PPP4R3B: variants seen among roughly 807,000 people sequenced by gnomAD.
PPP4R3B encodes the protein protein phosphatase 4 regulatory subunit 3B, also known as serine/threonine-protein phosphatase 4 regulatory subunit 3B.
In PPP4R3B, 52 loss-of-function variants were observed where a neutral mutation model predicts 95.4. The ratio of observed to expected loss-of-function variants is 0.54; its 90% confidence interval spans 0.44 to 0.69. The LOEUF is 0.69. Among genes scored for constraint, PPP4R3B ranks in the 30% least tolerant of loss-of-function variants. The pLI is 0.00. For synonymous variants in PPP4R3B, 407 were observed against 343.9 expected, an observed-to-expected ratio of 1.18 and a Z score of -2.03; for missense variants, 1,003 against 1,005.9, an observed-to-expected ratio of 1.00 and a Z score of 0.04.
intron 12 of PPP4R3B, among the ~76,000 whole-genome samples, chr2:55,571,398 A>C (rs1312459710): frequency 6.6e-6 from 1 of 152,218 alleles, no homozygotes; most frequent in Non-Finnish European, 1.5e-5. Context: ...TAATGAGCCA[A>C]ATAGGAAAAT....
chr2:55,575,872 T>C (rs1039733136), intron 11 of PPP4R3B, among the ~76,000 whole-genome samples: 12 of 152,228 alleles, frequency 7.9e-5, no homozygotes, highest in African/African-American at 1.2e-4. Flanking sequence ...TACAATGCTA[T>C]TGGAAATAAA....
Position 55,597,718 on chromosome 2 carries a change from T to C in PPP4R3B, c.921+698A>G, listed in dbSNP as rs554390747. Among the ~76,000 whole-genome samples the C allele has an allele frequency of 5.9e-5, 9 of 152,200 alleles. 1 individual carries two copies. Among genetic ancestry groups the C allele is most frequent in the African/African-American group, 2.2e-4 (9 of 41,516 alleles). The stretch of plus-strand genomic sequence containing the variant: ...CAGGAGGCTGAGACAGGAGAATCAC[T>C]TGAACCCAGGAGGCAGAGGTTGCGG... On this transcript the variant is annotated intron_variant, in intron 4 of 16. Coordinates refer to ENST00000616407, the MANE Select transcript of PPP4R3B (RefSeq NM_001122964.3).
intron 7 of PPP4R3B, 109 bp from the exon 8 acceptor site, chr2:55,581,807 C>T (rs776477629): frequency 6.7e-5 from 78 of 1,158,404 alleles, no homozygotes; most frequent in Non-Finnish European, 8.9e-5. Flanking sequence ...AGAGAAAAAA[C>T]GAAGAATGGA....
chr2:55,584,833 A>T (rs1265436181), intron 7 of PPP4R3B, among the ~76,000 whole-genome samples: 1 of 152,156 alleles, frequency 6.6e-6, no homozygotes, highest in African/African-American at 2.4e-5. Flanking sequence ...TAATCTATTT[A>T]TCTCAATATT....
At chr2:55,584,081 G>C (rs1689789516) in intron 7 of PPP4R3B, among the ~76,000 whole-genome samples, 1 of 152,000 alleles carries the variant, frequency 6.6e-6, no homozygotes, top group African/African-American at 2.4e-5. Context: ...GGCGCACAGA[G>C]GTTACAGTGA....
intron 3 of PPP4R3B, among the ~76,000 whole-genome samples, chr2:55,603,091 T>C (rs1177992138): frequency 2.0e-5 from 3 of 152,070 alleles, no homozygotes; most frequent in Non-Finnish European, 2.9e-5. Flanking sequence ...TGGCTGGGAC[T>C]ACAGGCATGC....
At chr2:55,598,124 G>A (rs1213855628) in intron 4 of PPP4R3B, among the ~76,000 whole-genome samples, 1 of 152,040 alleles carries the variant, frequency 6.6e-6, no homozygotes, top group Non-Finnish European at 1.5e-5. Flanking sequence ...GGAGGCTGAG[G>A]AAGAAGAATT....
intron 9 of PPP4R3B, 91 bp from the exon 10 acceptor site, chr2:55,578,433 T>C: frequency 5.3e-6 from 6 of 1,139,330 alleles, no homozygotes; most frequent in Non-Finnish European, 5.6e-6. Context: ...TTCTGTAAGC[T>C]GGAAGTGTTT....
At chr2:55,604,109 A>C (rs756156768) in intron 2 of PPP4R3B, 33 bp from the exon 3 acceptor site, 1 of 1,513,426 alleles carries the variant, frequency 6.6e-7, no homozygotes, top group South Asian at 1.2e-5. Flanking sequence ...ATATCATCAC[A>C]CTAGAAAAGA....
chr2:55,582,034 G>A (rs1468739795), intron 7 of PPP4R3B, among the ~76,000 whole-genome samples: 1 of 152,038 alleles, frequency 6.6e-6, no homozygotes, highest in Non-Finnish European at 1.5e-5. Context: ...CTCATTTTGG[G>A]TTTCAGACTC....
intron 7 of PPP4R3B, among the ~76,000 whole-genome samples, chr2:55,582,415 G>C (rs1689568188): frequency 6.6e-6 from 1 of 152,138 alleles, no homozygotes; most frequent in Non-Finnish European, 1.5e-5. Context: ...CACCATGCCT[G>C]ACTAATTTTT....
At chr2:55,580,594 A>G (rs906113004) in intron 8 of PPP4R3B, among the ~76,000 whole-genome samples, 3 of 152,212 alleles carry the variant, frequency 2.0e-5, no homozygotes, top group Non-Finnish European at 4.4e-5. Flanking sequence ...GAATCACTTT[A>G]TCAAGCCACT....
intron 2 of PPP4R3B, among the ~76,000 whole-genome samples, chr2:55,611,418 T>C (rs1694150174): frequency 6.6e-6 from 1 of 152,250 alleles, no homozygotes; most frequent in South Asian, 2.1e-4. Context: ...TTATTTCATG[T>C]TGTATCATAT....
At chr2:55,588,515 G>GA (rs11376018) in intron 5 of PPP4R3B, among the ~76,000 whole-genome samples, 20,267 of 94,600 alleles carry the variant, frequency 0.21, 1,682 homozygotes, top group East Asian at 0.37. Context: ...CTCCATCTCA[G>GA]AAAAAAAAAA....
intron 16 of PPP4R3B, among the ~76,000 whole-genome samples, chr2:55,556,699 C>A (rs2103819814): frequency 6.6e-6 from 1 of 151,734 alleles, no homozygotes; most frequent in East Asian, 1.9e-4. Flanking sequence ...GTGTTCTCAG[C>A]ATTTTACATT....
intron 11 of PPP4R3B, among the ~76,000 whole-genome samples, chr2:55,575,682 C>T (rs1219899735): frequency 6.6e-6 from 1 of 152,106 alleles, no homozygotes; most frequent in Non-Finnish European, 1.5e-5. Flanking sequence ...AACCAATCCT[C>T]CTGCCTCGGC....
chr2:55,585,918 T>C (rs1350088170), intron 6 of PPP4R3B, among the ~76,000 whole-genome samples: 4 of 151,276 alleles, frequency 2.6e-5, no homozygotes, highest in Admixed American at 6.6e-5. Flanking sequence ...CAATCACAAG[T>C]ACAGTGGGGT....
At chr2:55,598,392 C>G in intron 4 of PPP4R3B, 24 bp downstream of exon 4, 1 of 1,602,660 alleles carries the variant, frequency 6.2e-7, no homozygotes, top group South Asian at 1.1e-5. Flanking sequence ...AAAATGGAAT[C>G]GTGAAGAGTA....
intron 4 of PPP4R3B, among the ~76,000 whole-genome samples, chr2:55,594,552 A>G (rs1691500993): frequency 6.6e-6 from 1 of 152,164 alleles, no homozygotes; most frequent in South Asian, 2.1e-4. Flanking sequence ...TATAGTTCAT[A>G]TAATTTATTT....
Sources: gnomAD v4.1 joint callset for allele counts (sites outside exome capture counted in the v4.1 genomes callset) on GRCh38, gnomAD v4.1.1 for gene constraint, MANE v1.5 for transcripts, NCBI Gene and HGNC (gene_info 2026-07-23, HGNC 2026-07-21) for gene names.